The following RPAP3 variants were observed in gnomAD, a reference collection of about 807,000 sequenced individuals.
RPAP3 encodes the protein RNA polymerase II-associated protein 3.
Under a neutral mutation model 88.8 loss-of-function variants are expected in RPAP3, and 58 were observed. The ratio of observed to expected loss-of-function variants is 0.65; its 90% CI spans 0.53 to 0.81. The LOEUF (loss-of-function observed/expected upper bound fraction) is 0.81. Among genes scored for constraint, RPAP3 ranks in the 40% least tolerant of loss-of-function variants. RPAP3 has a pLI of 0.00. For missense variants in RPAP3, 751 were observed against 764.3 expected, an observed-to-expected ratio of 0.98 and a Z score of 0.20; for synonymous variants, 255 against 259.9, an observed-to-expected ratio of 0.98 and a Z score of 0.18.
At chr12:47,669,377 T>C (rs1023454313) in intron 13 of RPAP3, among the ~76,000 whole-genome samples, 1 of 152,232 alleles carries the variant, frequency 6.6e-6, no homozygotes, top group African/African-American at 2.4e-5. Context: ...CATTTCTATA[T>C]ATTTCAATTA....
At chr12:47,665,847 G>T (rs1324310719) in intron 16 of RPAP3, among the ~76,000 whole-genome samples, 2 of 151,722 alleles carry the variant, frequency 1.3e-5, no homozygotes, top group Admixed American at 1.3e-4. Flanking sequence ...TTGCCATGTT[G>T]GCCAGCCTGG....
intron 6 of RPAP3, among the ~76,000 whole-genome samples, chr12:47,689,792 A>G (rs1939393901): frequency 6.6e-6 from 1 of 152,196 alleles, no homozygotes; most frequent in Non-Finnish European, 1.5e-5. Context: ...CTGTAATCCC[A>G]GCACTTTGGG....
At chr12:47,675,850 A>G (rs1939102572) in intron 12 of RPAP3, among the ~76,000 whole-genome samples, 1 of 152,222 alleles carries the variant, frequency 6.6e-6, no homozygotes, top group Non-Finnish European at 1.5e-5. Context: ...ACAGAAGGTT[A>G]ACAAGGATAT....
Position 47,665,394 on chromosome 12 carries a change from G to A in RPAP3, c.1912+1586C>T, listed in dbSNP as rs146745131. On this transcript the variant is annotated intron_variant, in intron 16 of 16. Coordinates refer to ENST00000005386, the MANE Select transcript of RPAP3 (RefSeq NM_024604.3). ...GGCCTCCCAAAGTGCTGCAATTACA[G>A]GCGTGAGCCACTGCACCCGCCTGAC... Among the ~76,000 whole-genome samples, 1,016 of 151,224 alleles carry A rather than the reference G, an allele frequency of 6.7e-3. 5 individuals are homozygous for A. The highest frequency in any genetic ancestry group is 0.024 in the African/African-American group (977 of 41,290).
rs138253744 is a variant in RPAP3 at position 47,669,001 on chromosome 12, G to A, written c.1628C>T (p.Pro543Leu). 43 of 1,613,834 alleles carry A rather than the reference G, an allele frequency of 2.7e-5. No individual in the cohort carries two copies. In the African/African-American group the frequency reaches 5.5e-4, roughly 21 times the overall value. ...CTGGAACGAGTTTGCAGGAATTGGA[G>A]GAAGAACAGTTGTGGCAAACTGAGC... ...KPAQFATTVL[P>L]PIPANSFQLE... The change falls in exon 14 of 17, where the codon CCT (proline) becomes CTT (leucine). Residue 543 changes from proline (P) to leucine (L), a missense_variant. Physicochemically the swap from Pro to Leu is moderately conservative, Grantham distance 98. Transcript: ENST00000005386.
Position 47,679,249 on chromosome 12 carries a change from G to A in RPAP3, c.1287+244C>T, listed in dbSNP as rs142891312. Among the ~76,000 whole-genome samples, 22 of 152,290 alleles carry A rather than the reference G, an allele frequency of 1.4e-4. No individual in the cohort carries two copies. The East Asian group carries it at 2.7e-3, about 19-fold the overall frequency. On this transcript the variant is annotated intron_variant, in intron 12 of 16. Coordinates refer to ENST00000005386, the MANE Select transcript of RPAP3 (RefSeq NM_024604.3). ...AACATCACACACTGGGACCTGTTGC[G>A]GGTGGTGGGTTGGGGGAGGGATAGC...
chr12:47,697,348 T>C lies in RPAP3; in HGVS notation c.417+249A>G, dbSNP rs117045592. 7.2e-4 allele frequency among the ~76,000 whole-genome samples: 110 copies of C among 152,304 alleles called. 2 individuals carry two copies. Among genetic ancestry groups the C allele is most frequent in the East Asian group, 1.4e-3 (7 of 5,182 alleles). ...GAACCCGTTGAGGTTGGTAATATTA[T>C]CATTTTGCAGATGAGAAAACTGAAG... On this transcript the variant is annotated intron_variant, in intron 4 of 16. Transcript: ENST00000005386.
chr12:47,699,409 A>G (rs1263212157), intron 3 of RPAP3: 1 of 151,896 alleles, frequency 6.6e-6, no homozygotes, highest in Non-Finnish European at 1.5e-5. Flanking sequence ...GAACTTGAGA[A>G]TAAATTCTAT....
intron 16 of RPAP3, among the ~76,000 whole-genome samples, chr12:47,666,288 T>A (rs1479632819): frequency 6.6e-6 from 1 of 152,292 alleles, no homozygotes; most frequent in South Asian, 2.1e-4. Flanking sequence ...AAAAAAGAAA[T>A]ACAATTCTTC....
rs571849404 is a variant in RPAP3, at chr12:47,662,126, G to A, written c.*1379C>T. The A allele has an allele frequency of 1.3e-5, 2 of 152,152 alleles. No homozygotes were observed. Among genetic ancestry groups the A allele is most frequent in the Non-Finnish European group, 2.9e-5 (2 of 68,028 alleles). The allele number at this position is 152,152 out of a possible 1,614,324, so 9.4% of individuals were successfully genotyped here. On this transcript the variant is annotated 3_prime_UTR_variant, in exon 17 of 17. Coordinates refer to ENST00000005386, the MANE Select transcript of RPAP3 (RefSeq NM_024604.3). ...GCTCTCTGGGGCCTCTTTTACAAGGGCCTGCCCTCTTGACCCAATCACTTC... is the reference window on the plus strand; with the variant it reads ...GCTCTCTGGGGCCTCTTTTACAAGGACCTGCCCTCTTGACCCAATCACTTC...
intron 16 of RPAP3, among the ~76,000 whole-genome samples, chr12:47,665,091 A>ATTT (rs75507042): frequency 2.6e-4 from 37 of 140,136 alleles, no homozygotes; most frequent in African/African-American, 9.7e-4. Flanking sequence ...CAGTTTGGTA[A>ATTT]TTTTTTTTTT....
chr12:47,695,034 T>C (rs1939496026), intron 5 of RPAP3, among the ~76,000 whole-genome samples: 1 of 150,520 alleles, frequency 6.6e-6, no homozygotes, highest in South Asian at 2.1e-4. Context: ...CCAAGAAACA[T>C]GTACAAAAAT....
chr12:47,701,597 G>T lies in RPAP3; in HGVS notation c.161C>A (p.Pro54His). Residue 54 changes from proline (P) to histidine (H), a missense_variant, in exon 3 of 17, where the codon CCT becomes CAT. Physicochemically the swap from Pro to His is moderately conservative, Grantham distance 77. Transcript: ENST00000005386. ...RQNGVPEENL[P>H]PIRNGNFRKK... Reference sequence around the variant, plus strand: ...CCTAAAATTCCCATTTCGAATAGGAGGTAAATTCTAAGGAGGGAAAAAAAA... The same window carrying T: ...CCTAAAATTCCCATTTCGAATAGGATGTAAATTCTAAGGAGGGAAAAAAAA... 1 of 1,584,746 alleles carries T rather than the reference G, an allele frequency of 6.3e-7. No individual in the cohort carries two copies. Among genetic ancestry groups the T allele is most frequent in the South Asian group, 1.2e-5 (1 of 84,392 alleles).
At chr12:47,688,957 A>G (rs1939376419) in intron 7 of RPAP3, among the ~76,000 whole-genome samples, 168 bp downstream of exon 7, 1 of 152,234 alleles carries the variant, frequency 6.6e-6, no homozygotes, top group Non-Finnish European at 1.5e-5. Flanking sequence ...TTTAAATACC[A>G]TTACACTCCC....
chr12:47,669,354 C>T (rs1938948595), intron 13 of RPAP3, among the ~76,000 whole-genome samples: 1 of 152,144 alleles, frequency 6.6e-6, no homozygotes, highest in Non-Finnish European at 1.5e-5. Flanking sequence ...ACCTATCCAC[C>T]TTTTGAGTAT....
chr12:47,702,821 G>A lies in RPAP3; in HGVS notation c.20C>T (p.Ala7Val). 6.2e-7 allele frequency: 1 copy of A among 1,612,748 alleles called. No individual in the cohort carries two copies. The highest frequency in any genetic ancestry group is 1.1e-5 in the South Asian group (1 of 90,766). Residue 7 changes from alanine to valine, a missense_variant, in exon 2 of 17, where the codon GCA becomes GTA. By Grantham distance (64) the Ala-to-Val change is moderately conservative. Transcript: ENST00000005386. Reference protein sequence around the residue: MTSANKAIELQLQVKQN... With the variant: MTSANKVIELQLQVKQN... ...TTTCACTTGTAGTTGTAATTCGATT[G>A]CTTTATTTGCTGAAGTCATTATGGT... is the stretch of plus-strand genomic sequence containing the variant.
chr12:47,683,024 C>A (rs1165145240), intron 9 of RPAP3, among the ~76,000 whole-genome samples: 1 of 152,160 alleles, frequency 6.6e-6, no homozygotes, highest in Non-Finnish European at 1.5e-5. Context: ...AGCCATAATA[C>A]GAACCACTCA....
chr12:47,702,636 T>C lies in RPAP3; in HGVS notation c.153+52A>G. On this transcript the variant is annotated intron_variant, in intron 2 of 16. Coordinates refer to ENST00000005386, the MANE Select transcript of RPAP3 (RefSeq NM_024604.3). ...CAAAACATTTTTAAAAGTTATGCTT[T>C]ATTTTTATAAAATTAGTTTTGGTGG... is the stretch of plus-strand genomic sequence containing the variant. 3.6e-6 allele frequency: 5 copies of C among 1,391,364 alleles called. No individual in the cohort carries two copies. In the South Asian group the frequency reaches 6.9e-5, roughly 19 times the overall value. 86.2% of individuals were successfully genotyped at this position (1,391,364 alleles called of 1,614,324 possible).
rs184115455 is a variant in RPAP3 at position 47,702,130 on chromosome 12, T to C, written c.154-526A>G. ...ACCTCTACATATTTTATGATGCTAGTCATTTATTTACCTCTAAGTATTATC... is the reference window on the plus strand; with the variant it reads ...ACCTCTACATATTTTATGATGCTAGCCATTTATTTACCTCTAAGTATTATC... On this transcript the variant is annotated intron_variant, in intron 2 of 16. Transcript: ENST00000005386. Among the ~76,000 whole-genome samples the C allele has an allele frequency of 5.9e-5, 9 of 152,330 alleles. No individual in the cohort carries two copies. In the East Asian group the frequency reaches 1.7e-3, roughly 29 times the overall value.
Sources: gnomAD v4.1 joint callset for allele counts (sites outside exome capture counted in the v4.1 genomes callset) on GRCh38, gnomAD v4.1.1 for gene constraint, MANE v1.5 for transcripts, NCBI Gene and HGNC (gene_info 2026-07-23, HGNC 2026-07-21) for gene names.